INPP4B: variants seen among roughly 807,000 people sequenced by gnomAD.
INPP4B encodes inositol polyphosphate 4-phosphatase type II.
A neutral mutation model predicts 122.5 loss-of-function variants in INPP4B; 55 were observed. That is an observed-to-expected ratio of 0.45 (90% CI 0.36 to 0.56). The LOEUF (loss-of-function observed/expected upper bound fraction) is 0.56, where lower values mean the gene tolerates loss of function less well. Ranked by LOEUF, INPP4B falls within the 20% of genes least tolerant of loss-of-function variation. The probability of loss-of-function intolerance (pLI) is 0.00; values close to 1 mark genes in which losing one functional copy is unlikely to be tolerated. For synonymous variants in INPP4B, 403 were observed against 388.7 expected, an observed-to-expected ratio of 1.04 and a Z score of -0.43; for missense variants, 1,000 against 1,097.7, an observed-to-expected ratio of 0.91 and a Z score of 1.26.
At chr4:142,626,681 T>C (rs1424608659) in intron 2 of INPP4B, among the ~76,000 whole-genome samples, 1 of 151,990 alleles carries the variant, frequency 6.6e-6, no homozygotes, top group Non-Finnish European at 1.5e-5. Context: ...AACAAATGTG[T>C]AGACATTGTT....
At chr4:142,561,054 C>T (rs957802958) in intron 2 of INPP4B, among the ~76,000 whole-genome samples, 1 of 151,920 alleles carries the variant, frequency 6.6e-6, no homozygotes, top group African/African-American at 2.4e-5. Flanking sequence ...CATGAATTCC[C>T]CAAAAAAGTA....
chr4:142,050,104 C>T (rs1004003522), intron 25 of INPP4B, among the ~76,000 whole-genome samples: 8 of 151,998 alleles, frequency 5.3e-5, no homozygotes, highest in Non-Finnish European at 7.4e-5. Context: ...TCCCGCATCA[C>T]ATGGCTCAAA....
At chr4:142,374,432 T>G (rs917230728) in intron 7 of INPP4B, among the ~76,000 whole-genome samples, 1 of 152,042 alleles carries the variant, frequency 6.6e-6, no homozygotes, top group African/African-American at 2.4e-5. Flanking sequence ...AGATGTAGAA[T>G]AGAGAAGATT....
At chr4:142,125,640 C>G (rs1320162895) in intron 18 of INPP4B, among the ~76,000 whole-genome samples, 2 of 152,072 alleles carry the variant, frequency 1.3e-5, no homozygotes, top group Non-Finnish European at 2.9e-5. Flanking sequence ...CAGGATTTCT[C>G]TTCTCCAGGA....
chr4:142,296,270 T>G (rs959197084), intron 9 of INPP4B, among the ~76,000 whole-genome samples: 4 of 151,188 alleles, frequency 2.6e-5, no homozygotes, highest in Admixed American at 2.6e-4. Flanking sequence ...CAGCTTTATT[T>G]AAATGGATTA....
intron 2 of INPP4B, among the ~76,000 whole-genome samples, chr4:142,555,019 C>T (rs1256267229): frequency 1.4e-4 from 21 of 152,130 alleles, no homozygotes; most frequent in Non-Finnish European, 1.0e-4. Context: ...GGATGGCAAG[C>T]GATCAGGATT....
At chr4:142,777,305 TAGAG>T (rs1391502426) in intron 1 of INPP4B, among the ~76,000 whole-genome samples, 3 of 152,078 alleles carry the variant, frequency 2.0e-5, no homozygotes, top group Non-Finnish European at 4.4e-5. Flanking sequence ...TGGAGAGAGA[TAGAG>T]AGAGAATCAG....
chr4:142,671,269 C>T (rs1212757596), intron 2 of INPP4B, among the ~76,000 whole-genome samples: 1 of 152,070 alleles, frequency 6.6e-6, no homozygotes, highest in Non-Finnish European at 1.5e-5. Flanking sequence ...CTATCATCAG[C>T]CAATTTGTCT....
At chr4:142,766,527 C>CA (rs1772169224) in intron 1 of INPP4B, among the ~76,000 whole-genome samples, 1 of 151,874 alleles carries the variant, frequency 6.6e-6, no homozygotes. Context: ...TGCACCACCG[C>CA]ACTCAGCTAA....
chr4:142,555,133 C>T (rs9993256), intron 2 of INPP4B, among the ~76,000 whole-genome samples: 2,475 of 152,240 alleles, frequency 0.016, 56 homozygotes, highest in African/African-American at 0.056. Context: ...CAAATATCAG[C>T]CTGCAGGATG....
chr4:142,038,342 T>C (rs1371684496), intron 25 of INPP4B, among the ~76,000 whole-genome samples: 1 of 152,188 alleles, frequency 6.6e-6, no homozygotes, highest in Admixed American at 6.6e-5. Flanking sequence ...TTTCAGAATA[T>C]AATTTAGAAT....
chr4:142,260,995 T>C (rs1055925638), intron 10 of INPP4B, among the ~76,000 whole-genome samples: 20 of 152,200 alleles, frequency 1.3e-4, no homozygotes, highest in African/African-American at 3.9e-4. Flanking sequence ...TTGACGCCAC[T>C]AGTTATATAG....
intron 1 of INPP4B, among the ~76,000 whole-genome samples, chr4:142,747,705 G>A (rs138357509): frequency 2.0e-3 from 299 of 152,262 alleles, no homozygotes; most frequent in African/African-American, 6.6e-3. Flanking sequence ...AAAAGAATGA[G>A]TTCATGTCTT....
At chr4:142,073,327 C>A (rs1311379580) in intron 25 of INPP4B, among the ~76,000 whole-genome samples, 4 of 152,110 alleles carry the variant, frequency 2.6e-5, no homozygotes, top group Non-Finnish European at 5.9e-5. Context: ...AGCATTTGAA[C>A]TTCTCTGTCA....
chr4:142,833,653 G>A lies in INPP4B; in HGVS notation c.-254+12556C>T, dbSNP rs115398666. 7.8e-3 allele frequency among the ~76,000 whole-genome samples: 1,178 copies of A among 151,698 alleles called. 8 individuals carry two copies. Among genetic ancestry groups the A allele is most frequent in the Non-Finnish European group, 0.012 (799 of 67,900 alleles). ...AATGATTTTTTTTTTTAAAGACAGG[G>A]TATTGCTATGTTATCCAGGCTGGAC... On this transcript the variant is annotated intron_variant, in intron 1 of 25. Coordinates refer to ENST00000262992, the MANE Select transcript of INPP4B (RefSeq NM_001101669.3).
intron 18 of INPP4B, among the ~76,000 whole-genome samples, chr4:142,134,550 A>G (rs894835205): frequency 6.6e-6 from 1 of 152,054 alleles, no homozygotes; most frequent in Non-Finnish European, 1.5e-5. Flanking sequence ...AGTATACTCT[A>G]GTTGGGAGGC....
chr4:142,708,837 G>A (rs563836549), intron 2 of INPP4B, among the ~76,000 whole-genome samples: 1 of 152,300 alleles, frequency 6.6e-6, no homozygotes, highest in East Asian at 1.9e-4. Context: ...GCTGTGAGAA[G>A]AAGGCTACTC....
chr4:142,340,691 G>A (rs766369745), intron 7 of INPP4B, among the ~76,000 whole-genome samples: 1 of 152,162 alleles, frequency 6.6e-6, no homozygotes, highest in African/African-American at 2.4e-5. Context: ...GGGATTACAG[G>A]CATGAGCCAC....
intron 25 of INPP4B, among the ~76,000 whole-genome samples, chr4:142,064,303 G>A (rs572749909): frequency 6.6e-6 from 1 of 152,272 alleles, no homozygotes; most frequent in Non-Finnish European, 1.5e-5. Flanking sequence ...TTGTATGTAT[G>A]TAGTCAAACC....
Sources: allele counts gnomAD v4.1 joint callset (sites outside exome capture counted in the v4.1 genomes callset), GRCh38; gene constraint gnomAD v4.1.1; transcripts MANE v1.5; gene names NCBI Gene and HGNC (gene_info 2026-07-23, HGNC 2026-07-21).